The following DLGAP2 variants were observed in gnomAD, a reference collection of about 807,000 sequenced individuals.
The protein encoded by DLGAP2 is disks large-associated protein 2.
Under a neutral mutation model 100.3 loss-of-function variants are expected in DLGAP2, and 26 were observed. That is an observed-to-expected ratio of 0.26 (90% CI 0.19 to 0.36). The LOEUF (loss-of-function observed/expected upper bound fraction) is 0.36, where lower values mean the gene tolerates loss of function less well. DLGAP2 is among the 10% of genes least tolerant of loss of function. The pLI, the probability that DLGAP2 is intolerant of heterozygous loss-of-function variation, is 1.00. For missense variants in DLGAP2, 1,858 were observed against 1,453.2 expected, an observed-to-expected ratio of 1.28 and a Z score of -4.53; for synonymous variants, 886 against 630.1, an observed-to-expected ratio of 1.41 and a Z score of -6.08.
At chr8:877,867 C>T (rs1407864345) in intron 1 of DLGAP2, among the ~76,000 whole-genome samples, 3 of 152,220 alleles carry the variant, frequency 2.0e-5, no homozygotes, top group Non-Finnish European at 4.4e-5. Context: ...TGCTTTTGTC[C>T]TGCTTCTCCA....
chr8:1,335,313 G>A (rs1009070817), intron 3 of DLGAP2, among the ~76,000 whole-genome samples: 4 of 152,176 alleles, frequency 2.6e-5, no homozygotes, highest in African/African-American at 7.2e-5. Flanking sequence ...ACAACCTTCA[G>A]CTGGTCACTG....
At chr8:1,010,210 CAG>C (rs1801236099) in intron 2 of DLGAP2, among the ~76,000 whole-genome samples, 1 of 152,214 alleles carries the variant, frequency 6.6e-6, no homozygotes, top group African/African-American at 2.4e-5. Flanking sequence ...TGTGCACACT[CAG>C]ATATCAGTTT....
intron 4 of DLGAP2, among the ~76,000 whole-genome samples, chr8:1,517,222 T>A (rs1584977285): frequency 6.6e-6 from 1 of 152,236 alleles, no homozygotes; most frequent in Admixed American, 6.5e-5. Context: ...GAAAGTGAGT[T>A]CTGGCAGCTG....
intron 2 of DLGAP2, among the ~76,000 whole-genome samples, chr8:1,178,998 T>C (rs1463247): frequency 0.2 from 30,635 of 152,196 alleles, 3,400 homozygotes; most frequent in African/African-American, 0.3. Flanking sequence ...TCCCTACAGA[T>C]TAATTTCGAG....
At chr8:1,200,541 C>G (rs566101889) in intron 2 of DLGAP2, among the ~76,000 whole-genome samples, 1 of 152,158 alleles carries the variant, frequency 6.6e-6, no homozygotes, top group East Asian at 1.9e-4. Flanking sequence ...TGGTCTGACC[C>G]GCCAGCTCCT....
chr8:1,378,664 G>T (rs1206810795), intron 3 of DLGAP2, among the ~76,000 whole-genome samples: 1 of 152,268 alleles, frequency 6.6e-6, no homozygotes, highest in African/African-American at 2.4e-5. Context: ...GCACACATGG[G>T]TTGGGCGGGG....
intron 2 of DLGAP2, among the ~76,000 whole-genome samples, chr8:1,131,041 G>A (rs1179539671): frequency 6.6e-6 from 1 of 152,172 alleles, no homozygotes; most frequent in Non-Finnish European, 1.5e-5. Flanking sequence ...TTAGAAGGAT[G>A]CGCATTATTT....
chr8:939,855 G>T (rs1409131570), intron 2 of DLGAP2, among the ~76,000 whole-genome samples: 2 of 151,082 alleles, frequency 1.3e-5, no homozygotes, highest in African/African-American at 4.9e-5. Context: ...GCCTGGGAGT[G>T]GGAGGTGCAG....
intron 1 of DLGAP2, among the ~76,000 whole-genome samples, chr8:867,456 G>C (rs922040981): frequency 2.6e-5 from 4 of 152,230 alleles, no homozygotes; most frequent in African/African-American, 9.6e-5. Flanking sequence ...GCTAATCCTT[G>C]AGATGTTACC....
At chr8:1,087,290 A>G (rs1029459625) in intron 2 of DLGAP2, among the ~76,000 whole-genome samples, 2 of 152,180 alleles carry the variant, frequency 1.3e-5, no homozygotes, top group African/African-American at 2.4e-5. Context: ...CTGTCTCAAT[A>G]AACATGATTT....
intron 1 of DLGAP2, among the ~76,000 whole-genome samples, chr8:769,355 G>C (rs1183102046): frequency 1.3e-5 from 2 of 151,958 alleles, no homozygotes; most frequent in Non-Finnish European, 2.9e-5. Context: ...AAAGGTGATT[G>C]TCAGTGTGGT....
At chr8:1,365,377 T>G (rs115258243) in intron 3 of DLGAP2, among the ~76,000 whole-genome samples, 2,188 of 152,200 alleles carry the variant, frequency 0.014, 53 homozygotes, top group African/African-American at 0.049. Flanking sequence ...AGGGAGATGC[T>G]TGGATTCCTG....
chr8:1,048,745 C>T (rs1235543608), intron 2 of DLGAP2, among the ~76,000 whole-genome samples: 2 of 151,922 alleles, frequency 1.3e-5, no homozygotes, highest in Non-Finnish European at 2.9e-5. Flanking sequence ...CCTAGCCTGT[C>T]CCCACATCTG....
At chr8:1,684,552 A>G (rs961853449) in intron 12 of DLGAP2, among the ~76,000 whole-genome samples, 13 of 152,168 alleles carry the variant, frequency 8.5e-5, no homozygotes, top group Admixed American at 3.3e-4. Flanking sequence ...ATATAATTTC[A>G]TAACACAGTT....
intron 3 of DLGAP2, among the ~76,000 whole-genome samples, chr8:1,424,929 A>G (rs1797198316): frequency 6.6e-6 from 1 of 152,226 alleles, no homozygotes; most frequent in Non-Finnish European, 1.5e-5. Context: ...GGGAAGATCG[A>G]GAAGTTCTGG....
At chr8:1,627,193 C>G (rs956571487) in intron 7 of DLGAP2, among the ~76,000 whole-genome samples, 2 of 152,202 alleles carry the variant, frequency 1.3e-5, no homozygotes, top group Middle Eastern at 3.2e-3. Flanking sequence ...TTCCTTCTTC[C>G]CAGGCTATTT....
At chr8:1,522,987 C>T (rs1202829709) in intron 4 of DLGAP2, among the ~76,000 whole-genome samples, 4 of 152,174 alleles carry the variant, frequency 2.6e-5, no homozygotes, top group Admixed American at 6.5e-5. Context: ...TTGCTCTTCA[C>T]GTCAGCCACA....
At chr8:1,020,899 A>G (rs1226185009) in intron 2 of DLGAP2, among the ~76,000 whole-genome samples, 1 of 152,198 alleles carries the variant, frequency 6.6e-6, no homozygotes, top group Non-Finnish European at 1.5e-5. Flanking sequence ...TCCCTGCCTC[A>G]TCCCCCATTC....
chr8:1,278,143 C>T (rs1028441056), intron 3 of DLGAP2, among the ~76,000 whole-genome samples: 6 of 152,202 alleles, frequency 3.9e-5, no homozygotes, highest in African/African-American at 4.8e-5. Context: ...CATCCGTGCT[C>T]ACGGAAGTCA....
Sources: allele counts gnomAD v4.1 joint callset (sites outside exome capture counted in the v4.1 genomes callset), GRCh38; gene constraint gnomAD v4.1.1; transcripts MANE v1.5; gene names NCBI Gene and HGNC (gene_info 2026-07-23, HGNC 2026-07-21).